The following ECT2 variants were observed in gnomAD, a reference collection of about 807,000 sequenced individuals.
ECT2 encodes epithelial cell transforming 2, also known as protein ECT2.
In ECT2, 61 loss-of-function variants were observed where a neutral mutation model predicts 116.9. That is an observed-to-expected ratio of 0.52 (90% CI 0.42 to 0.65). ECT2 has a LOEUF of 0.65. Among genes scored for constraint, ECT2 ranks in the 30% least tolerant of loss-of-function variants. The pLI, the probability that ECT2 is intolerant of heterozygous loss-of-function variation, is 0.00. For synonymous variants in ECT2, 358 were observed against 346.4 expected (o/e 1.03, Z -0.37); for missense variants, 937 against 1,078.7 (o/e 0.87, Z 1.84).
chr3:172,784,789 C>G lies in ECT2; in HGVS notation c.1811C>G (p.Ala604Gly). 1 of 1,601,422 alleles carries G rather than the reference C, an allele frequency of 6.2e-7. No homozygotes were observed. Among genetic ancestry groups the G allele is most frequent in the Non-Finnish European group, 8.5e-7 (1 of 1,169,874 alleles). ...CCAGTACAGAGGTTACCCAGTGTTG[C>G]ATTACTTTTAAATGGTACTTGTCTG... The part of the protein sequence containing the change: ...IRPVQRLPSV[A>G]LLLNDLKKHT... The change falls in exon 17 of 25, where the codon GCA (alanine) becomes GGA (glycine). Residue 604 changes from alanine (A) to glycine (G), a missense_variant. Physicochemically the swap from Ala to Gly is moderately conservative, Grantham distance 60. Coordinates refer to ENST00000392692, the MANE Select transcript of ECT2 (RefSeq NM_001258315.2).
In ECT2 at chr3:172,783,832, G is replaced by A; in HGVS notation, c.1651G>A (p.Val551Ile). The change falls in exon 16 of 25, where the codon GTA (valine) becomes ATA (isoleucine). Residue 551 changes from valine (V) to isoleucine (I), a missense_variant. Coordinates refer to ENST00000392692, the MANE Select transcript of ECT2 (RefSeq NM_001258315.2). Reference sequence around the variant, plus strand: ...TTTGGTAAAAACCTACCCTCCCTTTGTAAACTTCTTTGAAATGAGCAAGGA... The same window carrying A: ...TTTGGTAAAAACCTACCCTCCCTTTATAAACTTCTTTGAAATGAGCAAGGA... Reference protein sequence around the residue: ...KDLVKTYPPFVNFFEMSKETI... With the variant: ...KDLVKTYPPFINFFEMSKETI... The A allele has an allele frequency of 6.2e-7, 1 of 1,603,984 alleles. No homozygotes were observed.
chr3:172,811,864 A>G (rs1179791841), intron 22 of ECT2, among the ~76,000 whole-genome samples: 2 of 152,208 alleles, frequency 1.3e-5, no homozygotes, highest in African/African-American at 2.4e-5. Context: ...ACAACAGTAT[A>G]CTGCAGTAAA....
downstream of ECT2, chr3:172,821,528 A>G (rs1046564508): frequency 6.6e-6 from 1 of 151,928 alleles, no homozygotes; most frequent in Non-Finnish European, 1.5e-5. Flanking sequence ...GCAAATATGA[A>G]TGCTTGCATC....
At chr3:172,803,923 A>G (rs937752359) in intron 20 of ECT2, among the ~76,000 whole-genome samples, 2 of 151,964 alleles carry the variant, frequency 1.3e-5, no homozygotes, top group Non-Finnish European at 2.9e-5. Context: ...TCTTATCCCA[A>G]CATCGCAAGT....
intron 13 of ECT2, among the ~76,000 whole-genome samples, chr3:172,770,390 AAAT>A (rs1292841363): frequency 2.6e-5 from 4 of 152,242 alleles, no homozygotes; most frequent in African/African-American, 9.6e-5. Context: ...TCCTTTTAAA[AAAT>A]CTCACGAAAT....
Position 172,773,512 on chromosome 3 carries a change from A to G in ECT2, c.1429-391A>G, listed in dbSNP as rs1721051556. 1.3e-5 allele frequency among the ~76,000 whole-genome samples: 2 copies of G among 152,192 alleles called. 1 individual carries two copies. Among genetic ancestry groups the G allele is most frequent in the South Asian group, 4.1e-4 (2 of 4,836 alleles). ...TCCCCCAAGCCAAGCTTCTACACTA[A>G]CAATTTTAAAACATTTAGCACATAT... On this transcript the variant is annotated intron_variant, in intron 13 of 24. Transcript: ENST00000392692.
intron 7 of ECT2, among the ~76,000 whole-genome samples, chr3:172,760,712 CTTTTTTTTTTTTTTTT>C (rs60727631): frequency 1.3e-5 from 1 of 76,192 alleles, no homozygotes; most frequent in East Asian, 3.8e-4. Context: ...GTCTAAGTGC[CTTTTTTTTTTTTTTTT>C]TTTTTTTTTT....
Position 172,807,769 on chromosome 3 carries a change from G to C in ECT2, c.2246-1G>C. On this transcript the variant is annotated splice_acceptor_variant, in intron 21 of 24. Transcript: ENST00000392692. LOFTEE classifies it high-confidence loss of function. ...TGTTTATGGTTATTCTGGAACCCTA[G>C]ATTGCCATAATGCTTTTGCCTTGCT... 1 of 1,610,398 alleles carries C rather than the reference G, an allele frequency of 6.2e-7. No homozygotes were observed. Among genetic ancestry groups the C allele is most frequent in the Non-Finnish European group, 8.5e-7 (1 of 1,178,038 alleles).
At position 172,762,794 on chromosome 3, in the gene ECT2, TG is replaced by T; in HGVS notation, c.994del (p.Val332SerfsTer40). 6.2e-7 allele frequency: 1 copy of T among 1,612,468 alleles called. No individual in the cohort carries two copies. Among genetic ancestry groups the T allele is most frequent in the Non-Finnish European group, 8.5e-7 (1 of 1,179,482 alleles). On this transcript the variant is annotated frameshift_variant, in exon 10 of 25. Transcript: ENST00000392692. LOFTEE classifies it high-confidence loss of function. The part of the protein sequence containing the change: ...PFEPSKKLYV[V>X]KQEWFWGSIQ... ...TTGAACCTTCAAAGAAACTTTATGTTGTCAAGCAAGAGGCAAGTAATTCTAG... is the reference window on the plus strand; with the variant it reads ...TTGAACCTTCAAAGAAACTTTATGTTTCAAGCAAGAGGCAAGTAATTCTAG...
At chr3:172,780,353 A>G (rs1722480513) in intron 14 of ECT2, among the ~76,000 whole-genome samples, 1 of 152,088 alleles carries the variant, frequency 6.6e-6, no homozygotes, top group South Asian at 2.1e-4. Flanking sequence ...TCACCAGTTG[A>G]TAGACATTTA....
chr3:172,800,512 AGTAT>A (rs1458374441), intron 18 of ECT2, among the ~76,000 whole-genome samples: 2 of 152,340 alleles, frequency 1.3e-5, no homozygotes, highest in South Asian at 4.1e-4. Context: ...CCACTTGGTC[AGTAT>A]GTATGCCCTG....
intron 5 of ECT2, among the ~76,000 whole-genome samples, chr3:172,757,707 G>T (rs945900294): frequency 6.6e-6 from 1 of 152,092 alleles, no homozygotes; most frequent in Non-Finnish European, 1.5e-5. Context: ...GAGCCACTGC[G>T]CCTGGCGTAT....
Position 172,807,917 on chromosome 3 carries a change from C to T in ECT2, c.2393C>T (p.Ala798Val). The T allele has an allele frequency of 6.2e-7, 1 of 1,612,892 alleles. No homozygotes were observed. Among genetic ancestry groups the T allele is most frequent in the South Asian group, 1.1e-5 (1 of 90,974 alleles). Residue 798 changes from alanine (A) to valine (V), a missense_variant, in exon 22 of 25, where the codon GCA becomes GTA. Coordinates refer to ENST00000392692, the MANE Select transcript of ECT2 (RefSeq NM_001258315.2). Reference protein sequence around the residue: ...CRHVANTICKADAENLIYTAD... With the variant: ...CRHVANTICKVDAENLIYTAD... ...CATGTAGCTAACACCATTTGTAAAG[C>T]AGATGCTGTAAGTTCTTAAAACAGT...
intron 20 of ECT2, 142 bp downstream of exon 20, chr3:172,803,122 T>A: frequency 1.3e-6 from 1 of 768,352 alleles, no homozygotes; most frequent in Non-Finnish European, 1.9e-6. Context: ...TCGAGGACAA[T>A]TTATGATTTA....
intron 3 of ECT2, 54 bp from the exon 4 acceptor site, chr3:172,755,429 G>A: frequency 6.5e-7 from 1 of 1,539,706 alleles, no homozygotes; most frequent in South Asian, 1.2e-5. Context: ...TTCCATCAGT[G>A]TGTAAATAGT....
At chr3:172,757,209 A>G (rs1717166834) in intron 5 of ECT2, 44 bp downstream of exon 5, 1 of 1,349,846 alleles carries the variant, frequency 7.4e-7, no homozygotes, top group Non-Finnish European at 9.7e-7. Context: ...TAAAATTTTT[A>G]TTAATGAATT....
At position 172,786,541 on chromosome 3, in the gene ECT2, A is replaced by G. The variant is rs1723637511; in HGVS notation, c.1874A>G (p.Glu625Gly). ...ADENPDKSTL[E>G]KAIGSLKEVM... Reference sequence around the variant, plus strand: ...GAAAATCCAGACAAAAGCACTTTAGAAAAAGCTATTGGATCACTGAAGGAA... The same window carrying G: ...GAAAATCCAGACAAAAGCACTTTAGGAAAAGCTATTGGATCACTGAAGGAA... Residue 625 changes from glutamate to glycine, a missense_variant, in exon 18 of 25, where the codon GAA (glutamate) becomes GGA (glycine). By Grantham distance (98) the Glu-to-Gly change is moderately conservative (BLOSUM62 -2). Transcript: ENST00000392692. The G allele has an allele frequency of 6.2e-7, 1 of 1,611,232 alleles. No individual in the cohort carries two copies. The highest frequency in any genetic ancestry group is 1.3e-5 in the African/African-American group (1 of 74,966).
At chr3:172,784,663 T>C in intron 16 of ECT2, 44 bp from the exon 17 acceptor site, 1 of 1,477,002 alleles carries the variant, frequency 6.8e-7, no homozygotes, top group Non-Finnish European at 9.5e-7. Flanking sequence ...CATATAATCT[T>C]TTCAGAAAAC....
In ECT2 at chr3:172,761,614, C is replaced by T; in HGVS notation, c.689C>T (p.Ala230Val). The change falls in exon 8 of 25, where the codon GCT becomes GTT. Residue 230 changes from alanine to valine, a missense_variant. Transcript: ENST00000392692. Reference sequence around the variant, plus strand: ...CTGTAATGTTTATATTTTTAGGTTGCTGTGAGTCTAGGTACTCCAATTATG... The same window carrying T: ...CTGTAATGTTTATATTTTTAGGTTGTTGTGAGTCTAGGTACTCCAATTATG... ...NCTQGEKFRV[A>V]VSLGTPIMKP... is the part of the protein sequence containing the mutation. 1 of 1,606,614 alleles carries T rather than the reference C, an allele frequency of 6.2e-7. No homozygotes were observed. The highest frequency in any genetic ancestry group is 8.5e-7 in the Non-Finnish European group (1 of 1,174,496).
Sources: allele counts gnomAD v4.1 joint callset (sites outside exome capture counted in the v4.1 genomes callset), GRCh38; gene constraint gnomAD v4.1.1; transcripts MANE v1.5; gene names NCBI Gene and HGNC (gene_info 2026-07-23, HGNC 2026-07-21).